Variants in MIB1 observed in about 807,000 individuals in gnomAD.
The protein encoded by MIB1 is MIB E3 ubiquitin protein ligase 1.
Under a neutral mutation model 124.5 loss-of-function variants are expected in MIB1, and 278 were observed. The observed-to-expected ratio is 2.23, with a 90% confidence interval of 2.02 to 2.47. MIB1 has a LOEUF of 2.47. Ranked by LOEUF, MIB1 falls within the 30% of genes most tolerant of loss-of-function variation. MIB1 has a pLI of 0.00. For missense variants in MIB1, 957 were observed against 1,254.4 expected (o/e 0.76, Z 3.58); for synonymous variants, 446 against 429.4 (o/e 1.04, Z -0.48).
intron 1 of MIB1, among the ~76,000 whole-genome samples, chr18:21,717,152 G>T (rs1002330737): frequency 1.3e-5 from 2 of 152,130 alleles, no homozygotes; most frequent in Non-Finnish European, 2.9e-5. Flanking sequence ...AGAAAGTGGG[G>T]AAAGGACAAC....
At chr18:21,783,337 G>A (rs900090258) in intron 6 of MIB1, among the ~76,000 whole-genome samples, 9 of 151,928 alleles carry the variant, frequency 5.9e-5, no homozygotes, top group South Asian at 2.1e-4. Context: ...CCGCCTCCCG[G>A]GTTCAAGCAA....
intron 6 of MIB1, among the ~76,000 whole-genome samples, chr18:21,783,903 T>C (rs1262308554): frequency 6.6e-6 from 1 of 151,978 alleles, no homozygotes; most frequent in Non-Finnish European, 1.5e-5. Flanking sequence ...CACACCACCA[T>C]GGTCATTAAA....
At chr18:21,839,287 T>TC (rs1419481828) in intron 13 of MIB1, among the ~76,000 whole-genome samples, 3 of 151,870 alleles carry the variant, frequency 2.0e-5, no homozygotes, top group Admixed American at 6.6e-5. Context: ...TTAAGCCACC[T>TC]CCCCCCCACT....
intron 7 of MIB1, among the ~76,000 whole-genome samples, chr18:21,793,591 A>G: frequency 6.6e-6 from 1 of 151,776 alleles, no homozygotes; most frequent in African/African-American, 2.4e-5. Flanking sequence ...GACCAGCCTG[A>G]ACAACGTGGT....
intron 12 of MIB1, chr18:21,828,007 T>A (rs2041941636): frequency 1.3e-5 from 2 of 152,018 alleles, no homozygotes; most frequent in South Asian, 4.1e-4. Flanking sequence ...CAGGTACTGC[T>A]TATAAATTTT....
intron 1 of MIB1, among the ~76,000 whole-genome samples, chr18:21,745,251 G>A (rs866612434): frequency 2.0e-5 from 3 of 152,198 alleles, no homozygotes; most frequent in African/African-American, 7.2e-5. Context: ...GTTAAAGTGC[G>A]GAACAAAACT....
chr18:21,736,133 C>T (rs536907826), upstream of MIB1, among the ~76,000 whole-genome samples: 1 of 152,358 alleles, frequency 6.6e-6, no homozygotes, highest in South Asian at 2.1e-4. Context: ...AGAGCACTGG[C>T]TGGCATCTGG....
At chr18:21,712,719 C>T (rs1167391818) in intron 1 of MIB1, among the ~76,000 whole-genome samples, 1 of 152,166 alleles carries the variant, frequency 6.6e-6, no homozygotes, top group African/African-American at 2.4e-5. Flanking sequence ...TAACTTCAGC[C>T]TTGTGAGCCC....
Position 21,843,002 on chromosome 18 carries a change from A to T in MIB1, c.1963-129A>T, listed in dbSNP as rs577775573. The T allele has an allele frequency of 1.3e-5, 8 of 603,376 alleles. No individual in the cohort carries two copies. In the South Asian group the frequency reaches 1.8e-4, roughly 14 times the overall value. 37.4% of individuals were successfully genotyped at this position (603,376 alleles called of 1,614,324 possible). A position where few individuals can be genotyped will look rare whatever the true frequency, so the allele number is the denominator to read the frequency against. ...GCAACTGTTACCATATGAGAATAAC[A>T]TTGCAGCAGCTGAAGGAGAAAGTAG... On this transcript the variant is annotated intron_variant, in intron 13 of 20. Transcript: ENST00000261537.
At chr18:21,846,137 T>G (rs930256653) in intron 15 of MIB1, among the ~76,000 whole-genome samples, 1 of 152,198 alleles carries the variant, frequency 6.6e-6, no homozygotes, top group Non-Finnish European at 1.5e-5. Context: ...TTTTCGAAGT[T>G]ATTTGACTAT....
At chr18:21,841,529 C>T (rs984722677) in intron 13 of MIB1, among the ~76,000 whole-genome samples, 8 of 152,026 alleles carry the variant, frequency 5.3e-5, no homozygotes, top group Admixed American at 4.6e-4. Context: ...CCAGTTACTA[C>T]AATTGCCCAC....
intron 17 of MIB1, among the ~76,000 whole-genome samples, chr18:21,851,792 C>T (rs1192485112): frequency 1.3e-5 from 2 of 152,114 alleles, no homozygotes; most frequent in Admixed American, 6.5e-5. Context: ...ACACAATATG[C>T]TTTGGTTTAG....
At chr18:21,798,050 G>A in intron 7 of MIB1, 34 bp from the exon 8 acceptor site, 1 of 1,608,108 alleles carries the variant, frequency 6.2e-7, no homozygotes, top group South Asian at 1.1e-5. Flanking sequence ...ATATACTTTA[G>A]ACTTGGAAAC....
chr18:21,735,474 T>C (rs1383029983), intron 1 of MIB1, among the ~76,000 whole-genome samples: 1 of 140,946 alleles, frequency 7.1e-6, no homozygotes, highest in South Asian at 2.2e-4. Flanking sequence ...GCTGCAAGGG[T>C]TTTTTTTTTT....
intron 1 of MIB1, among the ~76,000 whole-genome samples, chr18:21,759,967 A>C (rs928080043): frequency 6.6e-6 from 1 of 152,194 alleles, no homozygotes; most frequent in Admixed American, 6.5e-5. Flanking sequence ...AAATTCTCTA[A>C]GTTGTTAAAC....
At chr18:21,820,748 AGCTTTTTGGG>A (rs1353174615) in intron 12 of MIB1, among the ~76,000 whole-genome samples, 4 of 152,184 alleles carry the variant, frequency 2.6e-5, no homozygotes, top group Non-Finnish European at 5.9e-5. Context: ...TCCTTTCAAC[AGCTTTTTGGG>A]GCAGGTGTTA....
At chr18:21,720,796 A>T (rs2040711005) in intron 1 of MIB1, among the ~76,000 whole-genome samples, 1 of 152,144 alleles carries the variant, frequency 6.6e-6, no homozygotes, top group African/African-American at 2.4e-5. Flanking sequence ...AAAAAATAAG[A>T]AATAAAAAAT....
chr18:21,706,370 G>A (rs1390523839), intron 1 of MIB1, among the ~76,000 whole-genome samples: 1 of 152,124 alleles, frequency 6.6e-6, no homozygotes. Flanking sequence ...AGCAGCCCTC[G>A]CTCGCTCTCA....
chr18:21,805,390 GATT>G (rs1185620145), intron 10 of MIB1, among the ~76,000 whole-genome samples: 1 of 152,080 alleles, frequency 6.6e-6, no homozygotes, highest in East Asian at 1.9e-4. Flanking sequence ...TTATGAATGA[GATT>G]ATATAATTTG....
Sources: allele counts gnomAD v4.1 joint callset (sites outside exome capture counted in the v4.1 genomes callset), GRCh38; gene constraint gnomAD v4.1.1; transcripts MANE v1.5; gene names NCBI Gene and HGNC (gene_info 2026-07-23, HGNC 2026-07-21).